The following CARMIL1 variants were observed in gnomAD, a reference collection of about 807,000 sequenced individuals.
The protein encoded by CARMIL1 is F-actin-uncapping protein LRRC16A.
A neutral mutation model predicts 177.1 loss-of-function variants in CARMIL1; 90 were observed. The ratio of observed to expected loss-of-function variants is 0.51; its 90% CI spans 0.43 to 0.61. The LOEUF is 0.61. Ranked by LOEUF, CARMIL1 falls within the 20% of genes least tolerant of loss-of-function variation. CARMIL1 has a pLI of 0.00. For missense variants in CARMIL1, 1,380 were observed against 1,667.0 expected, an observed-to-expected ratio of 0.83 and a Z score of 3.00; for synonymous variants, 577 against 606.2, an observed-to-expected ratio of 0.95 and a Z score of 0.71.
chr6:25,294,284 C>T (rs1782224894), intron 2 of CARMIL1, among the ~76,000 whole-genome samples: 1 of 152,108 alleles, frequency 6.6e-6, no homozygotes, highest in Non-Finnish European at 1.5e-5. Context: ...CATTTATGGA[C>T]ATTGACTGGG....
At position 25,392,054 on chromosome 6, in the gene CARMIL1, ATGTGTGTGTGTGTGTGTG is replaced by A. The variant is rs36076582; in HGVS notation, c.139-28032_139-28015del. On this transcript the variant is annotated intron_variant, in intron 2 of 36. Coordinates refer to ENST00000329474, the MANE Select transcript of CARMIL1 (RefSeq NM_017640.6). ...TGTGTATGCATGTGTGTGTATATGC[ATGTGTGTGTGTGTGTGTG>A]TGTGTGTGTGTGTGTGTGTGTGTGT... 1.5e-3 allele frequency among the ~76,000 whole-genome samples: 206 copies of A among 139,354 alleles called. 1 individual carries two copies. The highest frequency in any genetic ancestry group is 5.1e-3 in the East Asian group (22 of 4,338). The allele number at this position is 139,354 out of a possible 152,430, so 91.4% of individuals were successfully genotyped here. A position where few individuals can be genotyped will look rare whatever the true frequency, so the allele number is the denominator to read the frequency against.
intron 11 of CARMIL1, 73 bp downstream of exon 11, chr6:25,472,594 TGAA>T: frequency 8.2e-7 from 1 of 1,218,726 alleles, no homozygotes; most frequent in Non-Finnish European, 1.2e-6. Flanking sequence ...TAGCCATGCC[TGAA>T]GAGCTGTATC....
At chr6:25,603,384 T>C (rs1320721086) in intron 33 of CARMIL1, among the ~76,000 whole-genome samples, 3 of 152,234 alleles carry the variant, frequency 2.0e-5, no homozygotes, top group Non-Finnish European at 4.4e-5. Flanking sequence ...CTTGCATTCA[T>C]GACAGTGGAG....
In CARMIL1 at chr6:25,510,779, A is replaced by ATTATT. The variant is rs148405173; in HGVS notation, c.1632+17_1632+18insTTATT. On this transcript the variant is annotated intron_variant, in intron 20 of 36. Transcript: ENST00000329474. ...GAAGAATCAGTGAGTATTATGTTAA[A>ATTATT]CTTTTTACTAAAATCTTCTGTTTGT... 2 of 1,428,636 alleles carry ATTATT rather than the reference A, an allele frequency of 1.4e-6. No homozygotes were observed. The highest frequency in any genetic ancestry group is 1.3e-5 in the South Asian group (1 of 79,112). The allele number at this position is 1,428,636 out of a possible 1,614,324, so 88.5% of individuals were successfully genotyped here.
chr6:25,454,976 A>G (rs1356603226), intron 8 of CARMIL1, among the ~76,000 whole-genome samples: 2 of 152,220 alleles, frequency 1.3e-5, no homozygotes, highest in African/African-American at 4.8e-5. Flanking sequence ...GAGGTGTCAG[A>G]AAAGACATCA....
At position 25,397,927 on chromosome 6, in the gene CARMIL1, CTGTGTCTG is replaced by C. The variant is rs1469149639; in HGVS notation, c.139-22181_139-22174del. ...TTTTCATTCAAATAGCACATGCTTT[CTGTGTCTG>C]TGTGTGCATGTGCATGCAGTGAGGG... On this transcript the variant is annotated intron_variant, in intron 2 of 36. Transcript: ENST00000329474. Among the ~76,000 whole-genome samples, 3 of 152,040 alleles carry C rather than the reference CTGTGTCTG, an allele frequency of 2.0e-5. 1 individual carries two copies. Among genetic ancestry groups the C allele is most frequent in the Admixed American group, 2.0e-4 (3 of 15,264 alleles).
At chr6:25,302,716 C>A (rs549188956) in intron 2 of CARMIL1, among the ~76,000 whole-genome samples, 1 of 152,148 alleles carries the variant, frequency 6.6e-6, no homozygotes, top group African/African-American at 2.4e-5. Flanking sequence ...TCAATAACAG[C>A]GATGCTGGGA....
chr6:25,579,688 G>A (rs999051631), intron 29 of CARMIL1, among the ~76,000 whole-genome samples: 7 of 151,796 alleles, frequency 4.6e-5, no homozygotes, highest in African/African-American at 1.7e-4. Flanking sequence ...AAGCCAAATC[G>A]GCAAGTTTCA....
At chr6:25,604,094 T>A (rs1366543880) in intron 33 of CARMIL1, among the ~76,000 whole-genome samples, 2 of 152,010 alleles carry the variant, frequency 1.3e-5, no homozygotes, top group Non-Finnish European at 2.9e-5. Context: ...TTTAAATAGA[T>A]AAGGTCTCGC....
At chr6:25,350,859 C>T (rs1788043150) in intron 2 of CARMIL1, 1 of 152,074 alleles carries the variant, frequency 6.6e-6, no homozygotes, top group African/African-American at 2.4e-5. Context: ...AGAGTATTCC[C>T]CCTTTTGGGG....
intron 8 of CARMIL1, among the ~76,000 whole-genome samples, chr6:25,458,687 A>G (rs1295519168): frequency 6.6e-6 from 1 of 152,064 alleles, no homozygotes; most frequent in Non-Finnish European, 1.5e-5. Flanking sequence ...AGATGACAGC[A>G]CAGTGGTTAA....
intron 2 of CARMIL1, among the ~76,000 whole-genome samples, chr6:25,405,944 A>G (rs1385296301): frequency 1.3e-5 from 2 of 152,182 alleles, no homozygotes; most frequent in East Asian, 3.8e-4. Flanking sequence ...AGAGGTGGAA[A>G]TAGGGTGAGA....
At chr6:25,332,776 C>CATACACACACACGCAT (rs66654153) in intron 2 of CARMIL1, among the ~76,000 whole-genome samples, 134 of 95,662 alleles carry the variant, frequency 1.4e-3, no homozygotes, top group Middle Eastern at 4.9e-3. Flanking sequence ...CACACACGCG[C>CATACACACACACGCAT]ACACACACAC....
chr6:25,459,266 C>CTTTCTTT lies in CARMIL1; in HGVS notation c.615-6604_615-6603insCTTTTTT. Among the ~76,000 whole-genome samples the CTTTCTTT allele has an allele frequency of 4.1e-5, 3 of 73,752 alleles. 1 individual carries two copies. The highest frequency in any genetic ancestry group is 3.1e-4 in the Admixed American group (2 of 6,350). 48.4% of individuals were successfully genotyped at this position (73,752 alleles called of 152,430 possible). ...TCTTTCTTTCTTTCTTTCTTTCTTT[C>CTTTCTTT]TTTTTTTTTTTTTTAAGACAGGGTC... On this transcript the variant is annotated intron_variant, in intron 8 of 36. Coordinates refer to ENST00000329474, the MANE Select transcript of CARMIL1 (RefSeq NM_017640.6).
At chr6:25,492,634 C>CTG (rs1395349486) in intron 15 of CARMIL1, among the ~76,000 whole-genome samples, 1 of 151,958 alleles carries the variant, frequency 6.6e-6, no homozygotes, top group Non-Finnish European at 1.5e-5. Flanking sequence ...TAATACAGTT[C>CTG]AACACTTAGC....
Position 25,537,898 on chromosome 6 carries a change from C to T in CARMIL1, c.2111C>T (p.Ser704Phe), listed in dbSNP as rs1485394555. ...ICVKVQDHLN[S>F]LRNCGGDAIQ... is the part of the protein sequence containing the mutation. ...GTGAAAGTACAAGATCATCTCAACTCCTTACGAAATTGTGGGGGAGACGCT... is the reference window on the plus strand; with the variant it reads ...GTGAAAGTACAAGATCATCTCAACTTCTTACGAAATTGTGGGGGAGACGCT... The change falls in exon 25 of 37, where the codon TCC (serine) becomes TTC (phenylalanine). Residue 704 changes from serine to phenylalanine, a missense_variant. Physicochemically the swap from Ser to Phe is radical, Grantham distance 155 (BLOSUM62 -2). Transcript: ENST00000329474. 1.2e-6 allele frequency: 2 copies of T among 1,609,646 alleles called. No homozygotes were observed. Among genetic ancestry groups the T allele is most frequent in the Non-Finnish European group, 1.7e-6 (2 of 1,178,066 alleles).
intron 3 of CARMIL1, among the ~76,000 whole-genome samples, chr6:25,421,342 TAGA>T (rs1795833187): frequency 6.6e-6 from 1 of 152,028 alleles, no homozygotes; most frequent in Admixed American, 6.6e-5. Flanking sequence ...TCACACCAGT[TAGA>T]ATGGCAATCA....
At chr6:25,319,612 C>T (rs1012694096) in intron 2 of CARMIL1, among the ~76,000 whole-genome samples, 1 of 152,140 alleles carries the variant, frequency 6.6e-6, no homozygotes, top group Admixed American at 6.5e-5. Flanking sequence ...GGTACATACA[C>T]ATTTAATACA....
At chr6:25,374,843 C>A (rs1399969814) in intron 2 of CARMIL1, among the ~76,000 whole-genome samples, 1 of 152,104 alleles carries the variant, frequency 6.6e-6, no homozygotes, top group Non-Finnish European at 1.5e-5. Flanking sequence ...GCTTTTCCTG[C>A]TCACTTTTGG....
Sources: allele counts gnomAD v4.1 joint callset (sites outside exome capture counted in the v4.1 genomes callset), GRCh38; gene constraint gnomAD v4.1.1; transcripts MANE v1.5; gene names NCBI Gene and HGNC (gene_info 2026-07-23, HGNC 2026-07-21).